The following SUCLG2 variants were observed in gnomAD, a reference collection of about 807,000 sequenced individuals.
The protein encoded by SUCLG2 is succinate-CoA ligase GDP-forming subunit beta.
In SUCLG2, 42 loss-of-function variants were observed where a neutral mutation model predicts 47.9. The ratio of observed to expected loss-of-function variants is 0.88; its 90% CI spans 0.69 to 1.14. SUCLG2 has a LOEUF of 1.14. SUCLG2 is among the 50% of genes most tolerant of loss of function. The probability of loss-of-function intolerance (pLI) is 0.00; values close to 1 mark genes in which losing one functional copy is unlikely to be tolerated. For missense variants in SUCLG2, 571 were observed against 525.9 expected, an observed-to-expected ratio of 1.09 and a Z score of -0.84; for synonymous variants, 195 against 197.3, an observed-to-expected ratio of 0.99 and a Z score of 0.10.
At chr3:67,509,004 T>C in intron 6 of SUCLG2, 101 bp from the exon 7 acceptor site, 1 of 820,252 alleles carries the variant, frequency 1.2e-6, no homozygotes. Flanking sequence ...ATGTCTTTAT[T>C]TTCAGTTAGG....
intron 9 of SUCLG2, among the ~76,000 whole-genome samples, chr3:67,491,322 T>C (rs1416059461): frequency 1.3e-5 from 2 of 150,882 alleles, no homozygotes; most frequent in Non-Finnish European, 3.0e-5. Context: ...AGGAGGAGGC[T>C]TCCAGGATCC....
intron 9 of SUCLG2, among the ~76,000 whole-genome samples, chr3:67,457,029 CA>C (rs532139559): frequency 6.6e-6 from 1 of 152,072 alleles, no homozygotes; most frequent in Non-Finnish European, 1.5e-5. Flanking sequence ...AAAAGAAAAA[CA>C]TTCAAGTCAT....
In SUCLG2 at chr3:67,606,842, AGT is replaced by A. The variant is rs1487763543; in HGVS notation, c.226+2611_226+2612del. On this transcript the variant is annotated intron_variant, in intron 2 of 10. Transcript: ENST00000307227. ...GCCTGTCTTGCACAGCTGTGTCCAC[AGT>A]GCCTAGTACATGGTTGACCCTCGAT... 1.1e-3 allele frequency among the ~76,000 whole-genome samples: 164 copies of A among 152,364 alleles called. 1 individual carries two copies. The highest frequency in any genetic ancestry group is 4.0e-4 in the Non-Finnish European group (27 of 68,046).
At chr3:67,566,809 T>C (rs1707463403) in intron 2 of SUCLG2, among the ~76,000 whole-genome samples, 1 of 152,216 alleles carries the variant, frequency 6.6e-6, no homozygotes, top group Admixed American at 6.5e-5. Flanking sequence ...ACATTAAAGA[T>C]TAATAGTTTC....
At chr3:67,543,056 C>T (rs978497492) in intron 2 of SUCLG2, among the ~76,000 whole-genome samples, 1 of 152,120 alleles carries the variant, frequency 6.6e-6, no homozygotes, top group Non-Finnish European at 1.5e-5. Flanking sequence ...CAAAACTGAC[C>T]ACATAATTGG....
At chr3:67,406,077 T>G (rs939655576) in intron 9 of SUCLG2, among the ~76,000 whole-genome samples, 3 of 152,160 alleles carry the variant, frequency 2.0e-5, no homozygotes, top group African/African-American at 4.8e-5. Context: ...CATATACTTG[T>G]GAGACAGATA....
chr3:67,487,942 G>C (rs759069144), intron 9 of SUCLG2, among the ~76,000 whole-genome samples: 2 of 151,936 alleles, frequency 1.3e-5, no homozygotes, highest in Non-Finnish European at 2.9e-5. Context: ...CAGAGCACTA[G>C]GTTAAGTAAA....
At chr3:67,385,862 G>A (rs913130776) in intron 10 of SUCLG2, among the ~76,000 whole-genome samples, 2 of 152,170 alleles carry the variant, frequency 1.3e-5, no homozygotes, top group Non-Finnish European at 2.9e-5. Context: ...TAACCCCAAG[G>A]CTTGGCTGGA....
chr3:67,600,766 G>C (rs975762278), intron 2 of SUCLG2, among the ~76,000 whole-genome samples: 3 of 151,946 alleles, frequency 2.0e-5, no homozygotes, highest in African/African-American at 7.2e-5. Context: ...TGGTTTTTTT[G>C]CCTTTTGAGT....
At chr3:67,610,905 C>T (rs1364669862) in intron 1 of SUCLG2, among the ~76,000 whole-genome samples, 3 of 152,130 alleles carry the variant, frequency 2.0e-5, no homozygotes, top group African/African-American at 7.2e-5. Flanking sequence ...CTCTATACCC[C>T]CACTACTAGA....
chr3:67,475,022 A>G (rs1335794312), intron 9 of SUCLG2, among the ~76,000 whole-genome samples: 2 of 122,784 alleles, frequency 1.6e-5, no homozygotes, highest in Admixed American at 7.3e-5. Flanking sequence ...AAAAGAGAGG[A>G]AAAATCATGC....
At chr3:67,394,757 A>G (rs1269320492) in intron 10 of SUCLG2, among the ~76,000 whole-genome samples, 2 of 151,560 alleles carry the variant, frequency 1.3e-5, no homozygotes, top group Non-Finnish European at 2.9e-5. Context: ...AAAAAATGTT[A>G]AGGGCAGCCA....
chr3:67,622,342 A>T (rs35232329), intron 1 of SUCLG2, among the ~76,000 whole-genome samples: 1 of 152,042 alleles, frequency 6.6e-6, no homozygotes, highest in African/African-American at 2.4e-5. Context: ...ATACATACAT[A>T]GATATATCAA....
At chr3:67,525,426 A>G (rs907202775) in intron 4 of SUCLG2, among the ~76,000 whole-genome samples, 3 of 152,226 alleles carry the variant, frequency 2.0e-5, no homozygotes, top group African/African-American at 7.2e-5. Context: ...CGGGACAGCC[A>G]CAAAGATCAA....
At chr3:67,457,766 A>G (rs1188244295) in intron 9 of SUCLG2, among the ~76,000 whole-genome samples, 1 of 143,754 alleles carries the variant, frequency 7.0e-6, no homozygotes, top group Admixed American at 7.2e-5. Context: ...ACTGCAAGAG[A>G]GCAATAACAT....
chr3:67,590,957 A>AC (rs1362109875), intron 2 of SUCLG2, among the ~76,000 whole-genome samples: 1 of 152,010 alleles, frequency 6.6e-6, no homozygotes, highest in African/African-American at 2.4e-5. Context: ...TTAAAAAAAA[A>AC]CCTTTTCTAA....
intron 1 of SUCLG2, among the ~76,000 whole-genome samples, chr3:67,626,995 G>GA (rs1700843739): frequency 6.7e-6 from 1 of 148,168 alleles, no homozygotes; most frequent in Non-Finnish European, 1.5e-5. Flanking sequence ...TTTTCAACTA[G>GA]AAGTTTGAAA....
At chr3:67,573,690 C>A (rs1707673868) in intron 2 of SUCLG2, among the ~76,000 whole-genome samples, 1 of 152,154 alleles carries the variant, frequency 6.6e-6, no homozygotes, top group South Asian at 2.1e-4. Flanking sequence ...CCTGGCCCCT[C>A]CTTTTCCTGT....
chr3:67,458,945 A>C (rs1156516638), intron 9 of SUCLG2, among the ~76,000 whole-genome samples: 1 of 152,212 alleles, frequency 6.6e-6, no homozygotes, highest in Non-Finnish European at 1.5e-5. Flanking sequence ...ATGGTTAATC[A>C]CCTTTGAGAC....
Sources: allele counts gnomAD v4.1 joint callset (sites outside exome capture counted in the v4.1 genomes callset), GRCh38; gene constraint gnomAD v4.1.1; transcripts MANE v1.5; gene names NCBI Gene and HGNC (gene_info 2026-07-23, HGNC 2026-07-21).